The following DOCK5 variants were observed in gnomAD, a reference collection of about 807,000 sequenced individuals.
The protein encoded by DOCK5 is dedicator of cytokinesis 5.
In DOCK5, 142 loss-of-function variants were observed where a neutral mutation model predicts 251.8. That is an observed-to-expected ratio of 0.56 (90% CI 0.49 to 0.65). The LOEUF is 0.65. DOCK5 is among the 30% of genes least tolerant of loss of function. The pLI, the probability that DOCK5 is intolerant of heterozygous loss-of-function variation, is 0.00. For synonymous variants in DOCK5, 842 were observed against 835.5 expected (o/e 1.01, Z -0.13); for missense variants, 2,111 against 2,312.3 (o/e 0.91, Z 1.79).
In DOCK5 at chr8:25,184,898, AGGTCGCC is replaced by A; in HGVS notation, c.-9_-3del. 1 of 1,404,698 alleles carries A rather than the reference AGGTCGCC, an allele frequency of 7.1e-7. No individual in the cohort carries two copies. Among genetic ancestry groups the A allele is most frequent in the Non-Finnish European group, 9.3e-7 (1 of 1,071,408 alleles). 87.0% of individuals were successfully genotyped at this position (1,404,698 alleles called of 1,614,324 possible). ...CCTTAGTCGCCGCCGCCGCGGGGCG[AGGTCGCC>A]GCCATGGCCCGCTGGATCCCGACCA... On this transcript the variant is annotated 5_prime_UTR_variant, in exon 1 of 52. Coordinates refer to ENST00000276440, the MANE Select transcript of DOCK5 (RefSeq NM_024940.8).
intron 7 of DOCK5, among the ~76,000 whole-genome samples, chr8:25,298,381 A>G (rs1256521003): frequency 6.6e-6 from 1 of 152,198 alleles, no homozygotes; most frequent in East Asian, 1.9e-4. Context: ...ATTGTGTAAG[A>G]CAAGCACCTC....
At chr8:25,303,378 G>A (rs1586311217) in intron 10 of DOCK5, among the ~76,000 whole-genome samples, 3 of 152,272 alleles carry the variant, frequency 2.0e-5, no homozygotes, top group South Asian at 2.1e-4. Flanking sequence ...TAAAATACTC[G>A]CTGGGAAGTG....
chr8:25,208,992 TG>T (rs964462547), intron 1 of DOCK5, among the ~76,000 whole-genome samples: 3 of 152,164 alleles, frequency 2.0e-5, no homozygotes, highest in Non-Finnish European at 4.4e-5. Context: ...GAACATGTGG[TG>T]GGGTGATGTT....
chr8:25,288,577 G>C (rs140684548), intron 5 of DOCK5, among the ~76,000 whole-genome samples: 1 of 152,102 alleles, frequency 6.6e-6, no homozygotes, highest in Non-Finnish European at 1.5e-5. Flanking sequence ...GAGGATCCCC[G>C]GAGCCTTTGA....
At chr8:25,303,386 G>C (rs527985692) in intron 10 of DOCK5, among the ~76,000 whole-genome samples, 2 of 152,306 alleles carry the variant, frequency 1.3e-5, no homozygotes, top group East Asian at 3.9e-4. Context: ...TCGCTGGGAA[G>C]TGGTTTGCCG....
intron 5 of DOCK5, among the ~76,000 whole-genome samples, chr8:25,282,140 G>A (rs1490439944): frequency 6.6e-6 from 1 of 151,946 alleles, no homozygotes; most frequent in Non-Finnish European, 1.5e-5. Context: ...ATTATGGTTA[G>A]TGCAAAAGTA....
At position 25,364,693 on chromosome 8, in the gene DOCK5, T is replaced by C. The variant is rs750099152; in HGVS notation, c.3112T>C (p.Phe1038Leu). 1.3e-5 allele frequency: 21 copies of C among 1,592,828 alleles called. No individual in the cohort carries two copies. Among genetic ancestry groups the C allele is most frequent in the Non-Finnish European group, 1.8e-5 (21 of 1,167,538 alleles). Residue 1038 changes from phenylalanine to leucine, a missense_variant, in exon 30 of 52, where the codon TTT (phenylalanine) becomes CTT (leucine). Physicochemically the swap from Phe to Leu is conservative, Grantham distance 22. Around this residue, in one of 3 missense-constraint regions of DOCK5, gnomAD observed 1,717 missense variants for 1,892.4 expected, o/e 0.91. Coordinates refer to ENST00000276440, the MANE Select transcript of DOCK5 (RefSeq NM_024940.8). The part of the protein sequence containing the change: ...LTRFFMDQAS[F>L]ELQLWNNYFH... ...AAGATTCTTCATGGATCAGGCAAGC[T>C]TTGAACTTCAGGTAGGCATGTGACT...
At position 25,304,235 on chromosome 8, in the gene DOCK5, G is replaced by A; in HGVS notation, c.977-20G>A. On this transcript the variant is annotated intron_variant, in intron 10 of 51. Coordinates refer to ENST00000276440, the MANE Select transcript of DOCK5 (RefSeq NM_024940.8). ...GCATGAAGCAATTAGTTTCTTTAATGAAGTTTATCTTTTTCCTAGTGATGG... is the reference window on the plus strand; with the variant it reads ...GCATGAAGCAATTAGTTTCTTTAATAAAGTTTATCTTTTTCCTAGTGATGG... The A allele has an allele frequency of 6.3e-7, 1 of 1,578,272 alleles. No individual in the cohort carries two copies. Among genetic ancestry groups the A allele is most frequent in the Non-Finnish European group, 8.6e-7 (1 of 1,163,194 alleles).
intron 1 of DOCK5, among the ~76,000 whole-genome samples, chr8:25,220,389 A>G (rs1019347410): frequency 1.3e-5 from 2 of 152,016 alleles, no homozygotes; most frequent in African/African-American, 4.8e-5. Context: ...CTTTCTCTCT[A>G]AGACTTTCAA....
At chr8:25,223,027 T>C (rs989852120) in intron 1 of DOCK5, among the ~76,000 whole-genome samples, 2 of 152,120 alleles carry the variant, frequency 1.3e-5, no homozygotes, top group African/African-American at 4.8e-5. Context: ...AATTAATCCA[T>C]CCTTGCTTGA....
intron 1 of DOCK5, among the ~76,000 whole-genome samples, chr8:25,199,876 A>G (rs1024857618): frequency 2.0e-5 from 3 of 152,234 alleles, no homozygotes; most frequent in Admixed American, 6.5e-5. Context: ...TTCCTTCAGA[A>G]CAAAAGTAAA....
At chr8:25,245,550 T>C (rs1243061596) in intron 2 of DOCK5, among the ~76,000 whole-genome samples, 2 of 151,584 alleles carry the variant, frequency 1.3e-5, no homozygotes, top group Non-Finnish European at 2.9e-5. Context: ...TCTTTTTTTT[T>C]TTTTTTTGAG....
intron 22 of DOCK5, among the ~76,000 whole-genome samples, chr8:25,339,181 C>G (rs368686423): frequency 2.6e-5 from 4 of 152,112 alleles, no homozygotes; most frequent in African/African-American, 9.7e-5. Flanking sequence ...CCCTGGGCCC[C>G]CTGTTGCCTT....
rs963982550 is a variant in DOCK5 at position 25,243,475 on chromosome 8, C to T, written c.44-199C>T. Among the ~76,000 whole-genome samples, 52 of 151,966 alleles carry T rather than the reference C, an allele frequency of 3.4e-4. 1 individual carries two copies. The highest frequency in any genetic ancestry group is 1.0e-3 in the African/African-American group (43 of 41,456). ...CCTCCCAAGTAGCTGAGATTACATGCGCCTGCCACTACGCCCAGCTGATTT... is the reference window on the plus strand; with the variant it reads ...CCTCCCAAGTAGCTGAGATTACATGTGCCTGCCACTACGCCCAGCTGATTT... On this transcript the variant is annotated intron_variant, in intron 1 of 51. Transcript: ENST00000276440.
chr8:25,337,543 A>T (rs1225358332), intron 22 of DOCK5, among the ~76,000 whole-genome samples: 4 of 151,878 alleles, frequency 2.6e-5, no homozygotes. Context: ...AGTCATTTCA[A>T]ATGTAGGGTA....
At chr8:25,313,177 A>G (rs1441284308) in intron 13 of DOCK5, among the ~76,000 whole-genome samples, 2 of 152,004 alleles carry the variant, frequency 1.3e-5, no homozygotes, top group African/African-American at 2.4e-5. Context: ...GTTGCCTCCT[A>G]AACTCTTCCC....
intron 1 of DOCK5, among the ~76,000 whole-genome samples, chr8:25,237,643 A>G (rs1802836524): frequency 6.6e-6 from 1 of 152,196 alleles, no homozygotes; most frequent in Non-Finnish European, 1.5e-5. Context: ...TAAGCTGCTT[A>G]GGGAAGAATT....
chr8:25,210,064 GTGTGTATCTGTCTATT>G lies in DOCK5; in HGVS notation c.43+25115_43+25130del, dbSNP rs1563309248. ...TGTGTGTGTGTGTGTGTGTGTGTGT[GTGTGTATCTGTCTATT>G]TATCTATCTATCTATCTATCTATCT... On this transcript the variant is annotated intron_variant, in intron 1 of 51. Coordinates refer to ENST00000276440, the MANE Select transcript of DOCK5 (RefSeq NM_024940.8). Among the ~76,000 whole-genome samples, 3 of 25,046 alleles carry G rather than the reference GTGTGTATCTGTCTATT, an allele frequency of 1.2e-4. 1 individual carries two copies. Among genetic ancestry groups the G allele is most frequent in the African/African-American group, 3.8e-4 (3 of 7,800 alleles). 16.4% of individuals were successfully genotyped at this position (25,046 alleles called of 152,430 possible).
intron 45 of DOCK5, among the ~76,000 whole-genome samples, chr8:25,396,537 A>G (rs1474827841): frequency 6.6e-6 from 1 of 152,252 alleles, no homozygotes; most frequent in Non-Finnish European, 1.5e-5. Context: ...CAGCATTTAA[A>G]ATACACATCA....
Sources: allele counts gnomAD v4.1 joint callset (sites outside exome capture counted in the v4.1 genomes callset), GRCh38; gene constraint gnomAD v4.1.1; regional missense constraint gnomAD v4.1.1; transcripts MANE v1.5; gene names NCBI Gene and HGNC (gene_info 2026-07-23, HGNC 2026-07-21).